The following DOCK5 variants were observed in gnomAD, a reference collection of about 807,000 sequenced individuals.
DOCK5 encodes the protein dedicator of cytokinesis 5.
Under a neutral mutation model 251.8 loss-of-function variants are expected in DOCK5, and 142 were observed. The ratio of observed to expected loss-of-function variants is 0.56; its 90% confidence interval spans 0.49 to 0.65. The LOEUF is 0.65. Ranked by LOEUF, DOCK5 falls within the 30% of genes least tolerant of loss-of-function variation. The pLI is 0.00. For synonymous variants in DOCK5, 842 were observed against 835.5 expected (o/e 1.01, Z -0.13); for missense variants, 2,111 against 2,312.3 (o/e 0.91, Z 1.79).
intron 13 of DOCK5, among the ~76,000 whole-genome samples, chr8:25,314,069 G>A (rs1332501628): frequency 1.3e-5 from 2 of 148,154 alleles, no homozygotes; most frequent in East Asian, 2.0e-4. Flanking sequence ...TGAATTCTAG[G>A]ACCCTATAGC....
chr8:25,320,892 G>A, intron 15 of DOCK5, 88 bp from the exon 16 acceptor site: 1 of 1,145,732 alleles, frequency 8.7e-7, no homozygotes, highest in Non-Finnish European at 1.3e-6. Flanking sequence ...GCTGTGGAAA[G>A]TATAAAATTG....
At chr8:25,267,044 C>T (rs189152018) in intron 2 of DOCK5, among the ~76,000 whole-genome samples, 73 of 152,246 alleles carry the variant, frequency 4.8e-4, no homozygotes, top group African/African-American at 1.5e-3. Context: ...TCAGCCTGCC[C>T]GCCTCCCACT....
chr8:25,235,020 G>A (rs1343563972), intron 1 of DOCK5, among the ~76,000 whole-genome samples: 1 of 152,128 alleles, frequency 6.6e-6, no homozygotes, highest in Non-Finnish European at 1.5e-5. Flanking sequence ...TGGACACGGC[G>A]AGAAAGGGGA....
At chr8:25,312,409 G>GT (rs1426762696) in intron 13 of DOCK5, among the ~76,000 whole-genome samples, 2 of 151,994 alleles carry the variant, frequency 1.3e-5, no homozygotes, top group Admixed American at 1.3e-4. Flanking sequence ...GTTTTGTTTT[G>GT]TTTTTTAAGT....
In DOCK5 at chr8:25,340,881, T is replaced by A; in HGVS notation, c.2332T>A (p.Tyr778Asn). ...TTTTGTCTTTTTCCTATTAAGATTT[T>A]ATGGGCAGAGCAAAGATGGAGATGA... is the stretch of plus-strand genomic sequence containing the variant. ...IQSRVLYLRF[Y>N]GQSKDGDEFN... Residue 778 changes from tyrosine (Y) to asparagine (N), a missense_variant, in exon 23 of 52, where the codon TAT (tyrosine) becomes AAT (asparagine). By Grantham distance (143) the Tyr-to-Asn change is moderately radical. Transcript: ENST00000276440. 6.2e-7 allele frequency: 1 copy of A among 1,613,230 alleles called. No individual in the cohort carries two copies. The highest frequency in any genetic ancestry group is 1.1e-5 in the South Asian group (1 of 90,814).
intron 45 of DOCK5, 53 bp downstream of exon 45, chr8:25,395,772 G>A (rs1801335406): frequency 1.9e-6 from 3 of 1,557,150 alleles, no homozygotes; most frequent in Non-Finnish European, 2.6e-6. Context: ...GTGTCTGTGT[G>A]CCTCCCTCTG....
chr8:25,375,833 C>G, intron 37 of DOCK5: 1 of 983,702 alleles, frequency 1.0e-6, no homozygotes. Context: ...CCTGGTGGCT[C>G]ACGCCTGTAA....
intron 1 of DOCK5, among the ~76,000 whole-genome samples, chr8:25,195,251 CT>C (rs59704416): frequency 0.12 from 12,911 of 106,142 alleles, 1,099 homozygotes; most frequent in African/African-American, 0.3. Context: ...CTCCTTATCA[CT>C]TTTTTTTTTT....
At chr8:25,309,060 T>G (rs1805022754) in intron 12 of DOCK5, 135 bp downstream of exon 12, 5 of 1,175,756 alleles carry the variant, frequency 4.3e-6, no homozygotes, top group Admixed American at 2.9e-5. Flanking sequence ...CCCCCTCAGC[T>G]TCCAACCACA....
intron 49 of DOCK5, 79 bp from the exon 50 acceptor site, chr8:25,408,723 A>G: frequency 3.2e-6 from 5 of 1,545,982 alleles, no homozygotes; most frequent in Non-Finnish European, 4.4e-6. Flanking sequence ...GTCTTCTCAG[A>G]AGACAAGGCT....
chr8:25,246,422 C>T (rs1478597922), intron 2 of DOCK5, among the ~76,000 whole-genome samples: 10 of 152,044 alleles, frequency 6.6e-5, no homozygotes, highest in East Asian at 1.9e-4. Flanking sequence ...TACAGACACC[C>T]GCCGCCATGC....
At chr8:25,409,825 A>G (rs1253681763) in intron 50 of DOCK5, 7 of 234,018 alleles carry the variant, frequency 3.0e-5, no homozygotes, top group African/African-American at 2.3e-5. Flanking sequence ...CAGCCTGGGC[A>G]ACAGAGCGAG....
In DOCK5 at chr8:25,345,573, C is replaced by T; in HGVS notation, c.2716C>T (p.Leu906=). Residue 906 remains leucine (L), a synonymous_variant, in exon 26 of 52, where the codon CTG becomes TTG. Coordinates refer to ENST00000276440, the MANE Select transcript of DOCK5 (RefSeq NM_024940.8). The stretch of plus-strand genomic sequence containing the variant: ...TGACCACGAGGCAAGCTCGCAGCTT[C>T]TGAGCAACATCCTGGAGGTGCTGGA... The part of the protein sequence containing the change: ...KPDHEASSQL[L]SNILEVLDRK... 4 of 1,613,908 alleles carry T rather than the reference C, an allele frequency of 2.5e-6. No homozygotes were observed. In the South Asian group the frequency reaches 4.4e-5, roughly 18 times the overall value.
intron 1 of DOCK5, among the ~76,000 whole-genome samples, chr8:25,229,810 C>A (rs1341640976): frequency 6.6e-6 from 1 of 151,874 alleles, no homozygotes. Context: ...GGTAATTGGT[C>A]ATTTGTTTTT....
At chr8:25,285,665 G>A (rs986198432) in intron 5 of DOCK5, among the ~76,000 whole-genome samples, 3 of 152,206 alleles carry the variant, frequency 2.0e-5, no homozygotes, top group Non-Finnish European at 2.9e-5. Flanking sequence ...GTTTAAAGCT[G>A]CTGGATTCTA....
At chr8:25,319,744 C>A (rs1805370082) in intron 15 of DOCK5, 68 bp downstream of exon 15, 8 of 1,175,626 alleles carry the variant, frequency 6.8e-6, no homozygotes, top group Admixed American at 2.6e-5. Flanking sequence ...CTTCTGTTTA[C>A]CCCCAAATTA....
chr8:25,224,263 C>T (rs572018233), intron 1 of DOCK5, among the ~76,000 whole-genome samples: 3 of 152,082 alleles, frequency 2.0e-5, no homozygotes, highest in South Asian at 2.1e-4. Context: ...AGACTACAGC[C>T]GGGCACCACC....
chr8:25,297,715 GTGTT>G (rs1804653404), intron 7 of DOCK5, among the ~76,000 whole-genome samples: 2 of 152,080 alleles, frequency 1.3e-5, no homozygotes, highest in Admixed American at 1.3e-4. Flanking sequence ...TAAAAATAAA[GTGTT>G]TGAAAGACTT....
intron 42 of DOCK5, among the ~76,000 whole-genome samples, chr8:25,390,808 C>A (rs1423265513): frequency 1.8e-5 from 2 of 112,996 alleles, no homozygotes; most frequent in African/African-American, 5.3e-5. Flanking sequence ...GTGCATACAC[C>A]TTTTTTTTTG....
Sources: allele counts gnomAD v4.1 joint callset (sites outside exome capture counted in the v4.1 genomes callset), GRCh38; gene constraint gnomAD v4.1.1; transcripts MANE v1.5; gene names NCBI Gene and HGNC (gene_info 2026-07-23, HGNC 2026-07-21).